Variants in ITFG1 observed in about 807,000 individuals in gnomAD.
ITFG1 encodes the protein integrin alpha FG-GAP repeat containing 1.
Under a neutral mutation model 81.8 loss-of-function variants are expected in ITFG1, and 34 were observed. The ratio of observed to expected loss-of-function variants is 0.42; its 90% CI spans 0.32 to 0.55. ITFG1 has a LOEUF of 0.55. Ranked by LOEUF, ITFG1 falls within the 20% of genes least tolerant of loss-of-function variation. The pLI is 0.17. For missense variants in ITFG1, 672 were observed against 755.4 expected, an observed-to-expected ratio of 0.89 and a Z score of 1.29; for synonymous variants, 285 against 270.6, an observed-to-expected ratio of 1.05 and a Z score of -0.52.
At chr16:47,226,295 C>T (rs766490150) in intron 13 of ITFG1, among the ~76,000 whole-genome samples, 5 of 152,198 alleles carry the variant, frequency 3.3e-5, no homozygotes, top group Admixed American at 6.5e-5. Context: ...CTGCAACCTC[C>T]GCCTCCGGGG....
intron 12 of ITFG1, among the ~76,000 whole-genome samples, chr16:47,239,735 C>T (rs573278109): frequency 6.6e-6 from 1 of 152,270 alleles, no homozygotes; most frequent in East Asian, 1.9e-4. Flanking sequence ...GGTTCTCACT[C>T]TTTTATTATG....
intron 10 of ITFG1, among the ~76,000 whole-genome samples, chr16:47,262,361 T>A (rs1371953596): frequency 6.6e-6 from 1 of 152,188 alleles, no homozygotes; most frequent in Non-Finnish European, 1.5e-5. Flanking sequence ...AATTTTAAAA[T>A]TCTAATTTAT....
At chr16:47,377,626 T>G (rs1370024159) in intron 6 of ITFG1, among the ~76,000 whole-genome samples, 3 of 152,202 alleles carry the variant, frequency 2.0e-5, no homozygotes, top group African/African-American at 7.2e-5. Context: ...GTGAATGGAT[T>G]CTTCAAAATT....
chr16:47,376,005 G>GA (rs567647736), intron 6 of ITFG1, 65 bp from the exon 7 acceptor site: 139 of 807,560 alleles, frequency 1.7e-4, no homozygotes, highest in South Asian at 1.6e-3. Flanking sequence ...TTTAAAAACA[G>GA]AAAAAAAATG....
chr16:47,181,402 G>C (rs1965115547), intron 14 of ITFG1, among the ~76,000 whole-genome samples: 1 of 147,428 alleles, frequency 6.8e-6, no homozygotes, highest in Admixed American at 6.7e-5. Context: ...CAGGGAGATG[G>C]GGGGGTCAGC....
intron 14 of ITFG1, among the ~76,000 whole-genome samples, chr16:47,210,916 G>A (rs1965553893): frequency 6.6e-6 from 1 of 151,966 alleles, no homozygotes; most frequent in Non-Finnish European, 1.5e-5. Context: ...TTTTCCAATT[G>A]TTTCAGTTCT....
intron 10 of ITFG1, among the ~76,000 whole-genome samples, chr16:47,302,776 G>A (rs1037077837): frequency 3.3e-5 from 5 of 152,126 alleles, no homozygotes; most frequent in Non-Finnish European, 5.9e-5. Context: ...ATGACACTAA[G>A]CCAGGCCTTT....
intron 13 of ITFG1, among the ~76,000 whole-genome samples, chr16:47,235,030 T>C (rs1965857957): frequency 6.6e-6 from 1 of 152,212 alleles, no homozygotes; most frequent in Non-Finnish European, 1.5e-5. Flanking sequence ...CATGCAGAAC[T>C]GTGAGCCAAT....
At chr16:47,172,660 T>C (rs1567413280) in intron 14 of ITFG1, among the ~76,000 whole-genome samples, 2 of 152,170 alleles carry the variant, frequency 1.3e-5, no homozygotes, top group Non-Finnish European at 2.9e-5. Flanking sequence ...TGCCAAGAAA[T>C]TGAATAAATA....
intron 14 of ITFG1, among the ~76,000 whole-genome samples, chr16:47,179,224 TG>T (rs1159460979): frequency 6.6e-6 from 1 of 152,340 alleles, no homozygotes; most frequent in East Asian, 1.9e-4. Context: ...ATCCCATTAC[TG>T]GGTATATACC....
intron 6 of ITFG1, among the ~76,000 whole-genome samples, chr16:47,415,848 CT>C (rs1229244589): frequency 6.6e-6 from 1 of 152,122 alleles, no homozygotes; most frequent in Non-Finnish European, 1.5e-5. Context: ...AACCCCAGCA[CT>C]TTGGGAGGCT....
intron 6 of ITFG1, among the ~76,000 whole-genome samples, chr16:47,388,873 C>T (rs1968495390): frequency 6.6e-6 from 1 of 152,150 alleles, no homozygotes; most frequent in Non-Finnish European, 1.5e-5. Flanking sequence ...CCATATTCCT[C>T]AAAGTTTATT....
intron 8 of ITFG1, among the ~76,000 whole-genome samples, chr16:47,345,919 G>T (rs1967848023): frequency 2.0e-5 from 3 of 152,168 alleles, no homozygotes; most frequent in Admixed American, 2.0e-4. Context: ...GGCACGAATA[G>T]AGAAGTAAAT....
chr16:47,448,613 T>G (rs1969350703), intron 5 of ITFG1: 1 of 151,512 alleles, frequency 6.6e-6, no homozygotes, highest in South Asian at 2.1e-4. Context: ...AATTTTTTTT[T>G]TTTTTTTTTT....
chr16:47,183,512 G>A (rs539421972), intron 14 of ITFG1, among the ~76,000 whole-genome samples: 4 of 152,116 alleles, frequency 2.6e-5, no homozygotes, highest in Middle Eastern at 3.4e-3. Context: ...GGGAGGCACC[G>A]CCCAGCAGGG....
At chr16:47,271,287 C>T (rs1313678478) in intron 10 of ITFG1, among the ~76,000 whole-genome samples, 8 of 151,624 alleles carry the variant, frequency 5.3e-5, no homozygotes, top group Non-Finnish European at 1.2e-4. Context: ...GACAAATAAC[C>T]CAATTATTAA....
intron 5 of ITFG1, among the ~76,000 whole-genome samples, chr16:47,439,992 T>C (rs1253122299): frequency 6.6e-6 from 1 of 152,002 alleles, no homozygotes. Flanking sequence ...TGGAGGAAGA[T>C]CTACAAAGCA....
In ITFG1 at chr16:47,372,028, C is replaced by T. The variant is rs547262029; in HGVS notation, c.720+3848G>A. On this transcript the variant is annotated intron_variant, in intron 7 of 17. Transcript: ENST00000320640. ...TCCCAGGTTCACGCCATTCTCCTAC[C>T]TCAGCCCCCCAGTAGCTGGGACTAC... Among the ~76,000 whole-genome samples the T allele has an allele frequency of 3.0e-4, 46 of 152,020 alleles. No individual in the cohort carries two copies. The Middle Eastern group carries it at 0.017, about 56-fold the overall frequency.
intron 8 of ITFG1, among the ~76,000 whole-genome samples, chr16:47,354,092 A>G (rs960136998): frequency 6.6e-6 from 1 of 152,220 alleles, no homozygotes; most frequent in African/African-American, 2.4e-5. Flanking sequence ...TTGAATAGCC[A>G]AAGTAATCTT....
Sources: gnomAD v4.1 joint callset for allele counts (sites outside exome capture counted in the v4.1 genomes callset) on GRCh38, gnomAD v4.1.1 for gene constraint, MANE v1.5 for transcripts, NCBI Gene and HGNC (gene_info 2026-07-23, HGNC 2026-07-21) for gene names.